The following ABCD2 variants were observed in gnomAD, a reference collection of about 807,000 sequenced individuals.
The protein encoded by ABCD2 is ATP-binding cassette sub-family D member 2.
ABCD2 carries 36 observed loss-of-function variants against 70.9 expected under a neutral mutation model. That is an observed-to-expected ratio of 0.51 (90% CI 0.39 to 0.67). The LOEUF (loss-of-function observed/expected upper bound fraction) is 0.67. Among genes scored for constraint, ABCD2 ranks in the 30% least tolerant of loss-of-function variants. The pLI is 0.00. For missense variants in ABCD2, 729 were observed against 890.2 expected (o/e 0.82, Z 2.30); for synonymous variants, 304 against 306.9 (o/e 0.99, Z 0.10).
At chr12:39,613,503 G>A (rs1942075861) in intron 2 of ABCD2, among the ~76,000 whole-genome samples, 1 of 150,246 alleles carries the variant, frequency 6.7e-6, no homozygotes, top group Non-Finnish European at 1.5e-5. Flanking sequence ...AGGGGTGATA[G>A]TCTTTAAAAA....
chr12:39,599,469 G>T (rs890664313), intron 6 of ABCD2, among the ~76,000 whole-genome samples: 4 of 152,148 alleles, frequency 2.6e-5, no homozygotes, highest in Admixed American at 2.0e-4. Context: ...TAGACAGAAA[G>T]GGACAATGCT....
In ABCD2 at chr12:39,567,299, A is replaced by G. The variant is rs1488321201; in HGVS notation, c.2003+6417T>C. On this transcript the variant is annotated intron_variant, in intron 9 of 9. Coordinates refer to ENST00000308666, the MANE Select transcript of ABCD2 (RefSeq NM_005164.4). ...TTCTAGGTCTCTGAGGACTTGCTTT[A>G]TGCATCTGGGTGCTTCTGTATTGGG... Among the ~76,000 whole-genome samples, 7 of 152,164 alleles carry G rather than the reference A, an allele frequency of 4.6e-5. No homozygotes were observed. The South Asian group carries it at 1.2e-3, about 27-fold the overall frequency.
intron 9 of ABCD2, among the ~76,000 whole-genome samples, chr12:39,567,073 G>A (rs1478272495): frequency 3.3e-5 from 5 of 152,164 alleles, no homozygotes. Context: ...TTTTGGAATA[G>A]GTGTGGTGTG....
intron 3 of ABCD2, among the ~76,000 whole-genome samples, chr12:39,606,826 G>A (rs1373613825): frequency 6.6e-6 from 1 of 152,154 alleles, no homozygotes; most frequent in African/African-American, 2.4e-5. Flanking sequence ...CCTTGGCCCT[G>A]TGGTATCTGC....
intron 6 of ABCD2, among the ~76,000 whole-genome samples, chr12:39,595,027 C>A (rs751579125): frequency 1.3e-5 from 2 of 151,944 alleles, no homozygotes; most frequent in Non-Finnish European, 2.9e-5. Context: ...GATTGTGCCA[C>A]TGCACTCCAG....
intron 7 of ABCD2, among the ~76,000 whole-genome samples, chr12:39,585,950 A>C (rs1211354215): frequency 2.0e-5 from 3 of 152,188 alleles, no homozygotes; most frequent in Admixed American, 6.6e-5. Context: ...GACTTAATAA[A>C]AACTTAGTGT....
At chr12:39,570,415 A>G (rs1941430866) in intron 9 of ABCD2, among the ~76,000 whole-genome samples, 1 of 152,168 alleles carries the variant, frequency 6.6e-6, no homozygotes, top group Non-Finnish European at 1.5e-5. Flanking sequence ...AGAATAGAGA[A>G]CCCAGAAATA....
At chr12:39,537,558 T>A in the ABCD2 span, among the ~76,000 whole-genome samples, 1 of 152,226 alleles carries the variant, frequency 6.6e-6, no homozygotes, top group Non-Finnish European at 1.5e-5. Flanking sequence ...AATAAAGCAA[T>A]CTGGTCCTCC....
chr12:39,594,965 G>C (rs1025120525), intron 6 of ABCD2, among the ~76,000 whole-genome samples: 1 of 151,910 alleles, frequency 6.6e-6, no homozygotes, highest in Non-Finnish European at 1.5e-5. Context: ...AAAATTAGCC[G>C]TGCATGGTGG....
the ABCD2 span, among the ~76,000 whole-genome samples, chr12:39,533,416 G>A: frequency 9.3e-4 from 141 of 152,148 alleles, no homozygotes; most frequent in Middle Eastern, 3.4e-3. Context: ...GATAATAGAA[G>A]TATACAAATA....
At chr12:39,594,800 C>G (rs191461250) in intron 6 of ABCD2, among the ~76,000 whole-genome samples, 26 of 152,052 alleles carry the variant, frequency 1.7e-4, no homozygotes, top group African/African-American at 6.0e-4. Context: ...GTGATGAAAC[C>G]CCAACTCTAC....
At chr12:39,612,529 C>T (rs1942059219) in intron 2 of ABCD2, among the ~76,000 whole-genome samples, 1 of 152,128 alleles carries the variant, frequency 6.6e-6, no homozygotes, top group South Asian at 2.1e-4. Flanking sequence ...GCAAATACTA[C>T]TTGATAGTGA....
At chr12:39,582,086 A>T (rs1941603580) in intron 7 of ABCD2, among the ~76,000 whole-genome samples, 1 of 152,258 alleles carries the variant, frequency 6.6e-6, no homozygotes, top group African/African-American at 2.4e-5. Flanking sequence ...ATGCACTTGC[A>T]AATTTAAGTG....
At chr12:39,537,288 G>T in the ABCD2 span, among the ~76,000 whole-genome samples, 1 of 152,086 alleles carries the variant, frequency 6.6e-6, no homozygotes, top group Non-Finnish European at 1.5e-5. Context: ...CCAAATCTCA[G>T]TTGATGGTAT....
chr12:39,552,216 T>C lies in ABCD2; in HGVS notation c.*1696A>G, dbSNP rs1270717652. 1 of 151,944 alleles carries C rather than the reference T, an allele frequency of 6.6e-6. No homozygotes were observed. The highest frequency in any genetic ancestry group is 2.4e-5 in the African/African-American group (1 of 41,414). The allele number at this position is 151,944 out of a possible 1,614,324, so 9.4% of individuals were successfully genotyped here. On this transcript the variant is annotated 3_prime_UTR_variant, in exon 10 of 10. Transcript: ENST00000308666. ...GGTTACATTTATTGAAAATTAAAAA[T>C]ACACTAGCTATCATGGCAGAATTGA...
the ABCD2 span, among the ~76,000 whole-genome samples, chr12:39,534,879 GGAAGGAAAGAAAGAAAGAAAGAAAGAAA>G: frequency 9.0e-6 from 1 of 111,124 alleles, no homozygotes; most frequent in Admixed American, 1.1e-4. Flanking sequence ...AAGGAAGGAA[GGAAGGAAAGAAAGAAAGAAAGAAAGAAA>G]GAAAGAAAGA....
the ABCD2 span, among the ~76,000 whole-genome samples, chr12:39,534,760 G>GAGAAAGAGAGAGAAAGAAAGAA: frequency 8.8e-6 from 1 of 113,180 alleles, no homozygotes; most frequent in Non-Finnish European, 1.7e-5. Flanking sequence ...AAGAAAGAAA[G>GAGAAAGAGAGAGAAAGAAAGAA]AGAAAGAAAG....
intron 3 of ABCD2, 127 bp downstream of exon 3, chr12:39,607,472 T>C: frequency 1.4e-6 from 1 of 691,038 alleles, no homozygotes; most frequent in Non-Finnish European, 2.5e-6. Flanking sequence ...TAATCTTGAT[T>C]ATACGCAGCA....
chr12:39,605,316 T>C (rs1218442724), intron 3 of ABCD2, among the ~76,000 whole-genome samples: 3 of 152,058 alleles, frequency 2.0e-5, no homozygotes, highest in African/African-American at 7.2e-5. Context: ...CTATTTAAAA[T>C]AGAAGATTTT....
Sources: allele counts gnomAD v4.1 joint callset (sites outside exome capture counted in the v4.1 genomes callset), GRCh38; gene constraint gnomAD v4.1.1; transcripts MANE v1.5; gene names NCBI Gene and HGNC (gene_info 2026-07-23, HGNC 2026-07-21).